MMP20: variants seen among roughly 807,000 people sequenced by gnomAD.
The protein encoded by MMP20 is matrix metalloproteinase-20.
A neutral mutation model predicts 51.8 loss-of-function variants in MMP20; 50 were observed. The ratio of observed to expected loss-of-function variants is 0.97; its 90% CI spans 0.77 to 1.22. The LOEUF (loss-of-function observed/expected upper bound fraction) is 1.22, where lower values mean the gene tolerates loss of function less well. Ranked by LOEUF, MMP20 falls within the 50% of genes most tolerant of loss-of-function variation. The pLI, the probability that MMP20 is intolerant of heterozygous loss-of-function variation, is 0.00. For missense variants in MMP20, 663 were observed against 601.4 expected, an observed-to-expected ratio of 1.10 and a Z score of -1.07; for synonymous variants, 244 against 216.2, an observed-to-expected ratio of 1.13 and a Z score of -1.13.
intron 2 of MMP20, among the ~76,000 whole-genome samples, chr11:102,612,927 G>C (rs1591621858): frequency 6.6e-6 from 1 of 152,014 alleles, no homozygotes; most frequent in South Asian, 2.1e-4. Flanking sequence ...GGTGGAGACG[G>C]GGTTTCACCA....
intron 6 of MMP20, among the ~76,000 whole-genome samples, chr11:102,603,116 T>A (rs1428044346): frequency 6.6e-6 from 1 of 152,260 alleles, no homozygotes; most frequent in Non-Finnish European, 1.5e-5. Context: ...TAAAAGGTAC[T>A]GCATTCCATC....
chr11:102,612,233 G>A (rs1164009155), intron 2 of MMP20, among the ~76,000 whole-genome samples: 1 of 152,210 alleles, frequency 6.6e-6, no homozygotes, highest in East Asian at 1.9e-4. Flanking sequence ...GGAAGGCTGA[G>A]GTGGGAGGAT....
At chr11:102,619,657 C>T (rs1421152822) in intron 1 of MMP20, among the ~76,000 whole-genome samples, 1 of 152,140 alleles carries the variant, frequency 6.6e-6, no homozygotes, top group Non-Finnish European at 1.5e-5. Context: ...GGTTGTCTCA[C>T]ACTAATCCTG....
intron 6 of MMP20, among the ~76,000 whole-genome samples, chr11:102,600,741 C>T (rs942051250): frequency 1.3e-5 from 2 of 152,298 alleles, no homozygotes; most frequent in South Asian, 4.1e-4. Flanking sequence ...CTCGCCGCCT[C>T]TCCCAAAGTG....
At chr11:102,579,645 T>G (rs929779872) in intron 8 of MMP20, among the ~76,000 whole-genome samples, 1 of 152,140 alleles carries the variant, frequency 6.6e-6, no homozygotes, top group African/African-American at 2.4e-5. Context: ...TTAAAATACC[T>G]AAAAGAGATT....
At chr11:102,592,280 CTAG>C in intron 8 of MMP20, among the ~76,000 whole-genome samples, 1 of 152,164 alleles carries the variant, frequency 6.6e-6, no homozygotes, top group Non-Finnish European at 1.5e-5. Flanking sequence ...AATAGCTGGC[CTAG>C]TGGCTTAAAC....
At chr11:102,597,332 G>A (rs1043372325) in intron 6 of MMP20, among the ~76,000 whole-genome samples, 4 of 152,218 alleles carry the variant, frequency 2.6e-5, no homozygotes, top group African/African-American at 4.8e-5. Context: ...AAGTAGTAAA[G>A]GGTAGTAGTT....
chr11:102,601,125 C>CTTTTTTTTT lies in MMP20; in HGVS notation c.953+5401_953+5409dup, dbSNP rs1168517234. 5.4e-3 allele frequency among the ~76,000 whole-genome samples: 153 copies of CTTTTTTTTT among 28,268 alleles called. 33 individuals carry two copies. The highest frequency in any genetic ancestry group is 0.05 in the Middle Eastern group (2 of 40). The allele number at this position is 28,268 out of a possible 152,430, so 18.5% of individuals were successfully genotyped here. A position where few individuals can be genotyped will look rare whatever the true frequency, so the allele number is the denominator to read the frequency against. ...AAATGACCACGAAGTGTCGGCTATT[C>CTTTTTTTTT]TTTTTTTTTTTTTTTTTTTTTTTTT... On this transcript the variant is annotated intron_variant, in intron 6 of 9. Transcript: ENST00000260228.
At chr11:102,615,136 TATA>T (rs1302808360) in intron 2 of MMP20, among the ~76,000 whole-genome samples, 4 of 147,060 alleles carry the variant, frequency 2.7e-5, no homozygotes, top group African/African-American at 9.8e-5. Flanking sequence ...TAATATAACA[TATA>T]ATAATAAATA....
chr11:102,607,406 C>T (rs1454498140), intron 5 of MMP20: 1 of 153,010 alleles, frequency 6.5e-6, no homozygotes, highest in Non-Finnish European at 1.5e-5. Context: ...TGGACTGTCA[C>T]CTCTGGCAGG....
Position 102,588,325 on chromosome 11 carries a change from T to A in MMP20, c.1247+5114A>T, listed in dbSNP as rs537569542. On this transcript the variant is annotated intron_variant, in intron 8 of 9. Transcript: ENST00000260228. ...CCCAAATTAATTGTTATAATTATTA[T>A]TTTATATAATTTAATGTCTTCTAAA... Among the ~76,000 whole-genome samples the A allele has an allele frequency of 2.6e-5, 4 of 152,140 alleles. No homozygotes were observed. The South Asian group carries it at 8.3e-4, about 31-fold the overall frequency.
At chr11:102,600,765 T>A (rs369726570) in intron 6 of MMP20, among the ~76,000 whole-genome samples, 74 of 152,086 alleles carry the variant, frequency 4.9e-4, no homozygotes, top group African/African-American at 1.7e-3. Flanking sequence ...GGATTACAGG[T>A]GTGAGCCATT....
At chr11:102,619,894 G>A (rs61895670) in intron 1 of MMP20, among the ~76,000 whole-genome samples, 14,072 of 152,018 alleles carry the variant, frequency 0.093, 832 homozygotes, top group Non-Finnish European at 0.13. Flanking sequence ...CATATAGGCA[G>A]GATTGAAATA....
chr11:102,612,395 G>T (rs1051215367), intron 2 of MMP20, among the ~76,000 whole-genome samples: 6 of 152,246 alleles, frequency 3.9e-5, no homozygotes, highest in Admixed American at 1.3e-4. Flanking sequence ...AACCTGGGAA[G>T]TGGAGGTTGC....
chr11:102,594,685 C>T lies in MMP20; in HGVS notation c.1026G>A (p.Gln342=). 6 of 1,611,022 alleles carry T rather than the reference C, an allele frequency of 3.7e-6. No homozygotes were observed. The highest frequency in any genetic ancestry group is 5.1e-6 in the Non-Finnish European group (6 of 1,179,602). Residue 342 remains glutamine (Q), a synonymous_variant, in exon 7 of 10, where the codon CAG becomes CAA. Coordinates refer to ENST00000260228, the MANE Select transcript of MMP20 (RefSeq NM_004771.4). ...AAGCTGCATCCACATTGGACATGAG[C>T]TGGGGGAAGGAGCTGGTAATAGTGC... ...RPSTITSSFP[Q]LMSNVDAAYE... is the part of the protein sequence containing the mutation.
chr11:102,622,376 C>G (rs567731972), intron 1 of MMP20, among the ~76,000 whole-genome samples: 1 of 152,122 alleles, frequency 6.6e-6, no homozygotes, highest in African/African-American at 2.4e-5. Context: ...CTTGGGACTC[C>G]TCTGGGACCC....
At chr11:102,622,318 C>T (rs1223650325) in intron 1 of MMP20, among the ~76,000 whole-genome samples, 1 of 152,140 alleles carries the variant, frequency 6.6e-6, no homozygotes, top group Admixed American at 6.5e-5. Flanking sequence ...CTCTGCTTAG[C>T]GTGACCCAGG....
chr11:102,612,754 G>A (rs993503516), intron 2 of MMP20, among the ~76,000 whole-genome samples: 1 of 25,134 alleles, frequency 4.0e-5, no homozygotes, highest in South Asian at 1.5e-3. Flanking sequence ...TTTTTTTTTT[G>A]AGATGGAGTT....
intron 6 of MMP20, among the ~76,000 whole-genome samples, chr11:102,602,743 C>G (rs1333009353): frequency 6.6e-6 from 1 of 152,160 alleles, no homozygotes; most frequent in Non-Finnish European, 1.5e-5. Context: ...TTTATGCTTA[C>G]TCTATTTGTA....
Sources: allele counts gnomAD v4.1 joint callset (sites outside exome capture counted in the v4.1 genomes callset), GRCh38; gene constraint gnomAD v4.1.1; transcripts MANE v1.5; gene names NCBI Gene and HGNC (gene_info 2026-07-23, HGNC 2026-07-21).